The following FBRSL1 variants were observed in gnomAD, a reference collection of about 807,000 sequenced individuals.
FBRSL1 encodes fibrosin-1-like protein.
FBRSL1 carries 51 observed loss-of-function variants against 89.6 expected under a neutral mutation model. The observed-to-expected ratio is 0.57, with a 90% CI of 0.45 to 0.72. The LOEUF (loss-of-function observed/expected upper bound fraction) is 0.72. Among genes scored for constraint, FBRSL1 ranks in the 30% least tolerant of loss-of-function variants. The pLI is 0.00. For synonymous variants in FBRSL1, 779 were observed against 681.1 expected, an observed-to-expected ratio of 1.14 and a Z score of -2.24; for missense variants, 1,618 against 1,451.8, an observed-to-expected ratio of 1.11 and a Z score of -1.86.
rs192783906 is a variant in FBRSL1, at chr12:132,516,710, A to G, written c.489+8360A>G. Among the ~76,000 whole-genome samples, 60 of 152,306 alleles carry G rather than the reference A, an allele frequency of 3.9e-4. 1 individual carries two copies. In the East Asian group the frequency reaches 0.011, roughly 27 times the overall value. ...CATTTGCCGGATGAGGATGCTGAAG[A>G]AAAAAAGCCGCCTGTAAATAACTTG... On this transcript the variant is annotated intron_variant, in intron 2 of 18. Coordinates refer to ENST00000680143, the MANE Select transcript of FBRSL1 (RefSeq NM_001367871.1).
chr12:132,580,368 G>A (rs1372365353), intron 15 of FBRSL1, among the ~76,000 whole-genome samples: 4 of 152,224 alleles, frequency 2.6e-5, no homozygotes, highest in East Asian at 3.8e-4. Flanking sequence ...GATTACAGGC[G>A]TGAGCCACTG....
intron 6 of FBRSL1, 65 bp from the exon 7 acceptor site, chr12:132,569,861 C>A: frequency 7.9e-7 from 1 of 1,263,436 alleles, no homozygotes; most frequent in Non-Finnish European, 1.0e-6. Flanking sequence ...CCAGGGCTCC[C>A]TGGGCCACAG....
chr12:132,570,157 G>A lies in FBRSL1; in HGVS notation c.923G>A (p.Gly308Asp). 6.7e-7 allele frequency: 1 copy of A among 1,492,888 alleles called. No homozygotes were observed. The highest frequency in any genetic ancestry group is 8.8e-7 in the Non-Finnish European group (1 of 1,130,360). The allele number at this position is 1,492,888 out of a possible 1,614,324, so 92.5% of individuals were successfully genotyped here. The change falls in exon 7 of 19, where the codon GGC becomes GAC. Residue 308 changes from glycine to aspartate, a missense_variant. By Grantham distance (94) the Gly-to-Asp change is moderately conservative. Coordinates refer to ENST00000680143, the MANE Select transcript of FBRSL1 (RefSeq NM_001367871.1). ...TPQPPPPQPR[G>D]LLPTHVPASL... ...CAGCCGCCACCCCCGCAGCCCCGCGGCCTGCTCCCGACACACGTGCCTGCA... is the reference window on the plus strand; with the variant it reads ...CAGCCGCCACCCCCGCAGCCCCGCGACCTGCTCCCGACACACGTGCCTGCA...
At position 132,574,575 on chromosome 12, in the gene FBRSL1, C is replaced by T. The variant is rs1421499775; in HGVS notation, c.1701+11C>T. ...CAGCAGAAGATAAAGGTGAGACCAC[C>T]TGGGCTGGGGCAGGGCGCTTGTGAA... On this transcript the variant is annotated intron_variant, in intron 14 of 18. Coordinates refer to ENST00000680143, the MANE Select transcript of FBRSL1 (RefSeq NM_001367871.1). The T allele has an allele frequency of 6.5e-7, 1 of 1,548,382 alleles. No individual in the cohort carries two copies. The highest frequency in any genetic ancestry group is 8.7e-7 in the Non-Finnish European group (1 of 1,146,346).
At chr12:132,556,933 C>T (rs568094356) in intron 5 of FBRSL1, among the ~76,000 whole-genome samples, 115 of 152,202 alleles carry the variant, frequency 7.6e-4, no homozygotes, top group African/African-American at 2.7e-3. Context: ...ACACGTGCCC[C>T]GCGGAGTGGC....
intron 2 of FBRSL1, chr12:132,509,224 C>G: frequency 8.0e-7 from 1 of 1,252,424 alleles, no homozygotes; most frequent in Non-Finnish European, 9.9e-7. Context: ...AACGGCCCGG[C>G]CCAGCGCCAG....
intron 15 of FBRSL1, 134 bp from the exon 16 acceptor site, chr12:132,581,304 AC>A (rs1213093374): frequency 2.0e-6 from 3 of 1,519,600 alleles, no homozygotes; most frequent in African/African-American, 2.8e-5. Flanking sequence ...GACACGCTTC[AC>A]CCCTCAGGGC....
chr12:132,574,664 T>C, intron 14 of FBRSL1, 100 bp downstream of exon 14: 3 of 1,383,336 alleles, frequency 2.2e-6, no homozygotes, highest in Non-Finnish European at 2.9e-6. Flanking sequence ...CACACGCGTG[T>C]GCACGGGTGT....
chr12:132,497,111 A>G (rs2032167798), intron 1 of FBRSL1, among the ~76,000 whole-genome samples: 1 of 152,212 alleles, frequency 6.6e-6, no homozygotes, highest in Admixed American at 6.5e-5. Flanking sequence ...GTTTTGCTGC[A>G]TTTTGGTTGG....
chr12:132,576,704 G>C, intron 14 of FBRSL1, 95 bp from the exon 15 acceptor site: 1 of 1,405,560 alleles, frequency 7.1e-7, no homozygotes, highest in Non-Finnish European at 9.6e-7. Flanking sequence ...TACTGGACTG[G>C]CTCACACCCA....
chr12:132,570,362 G>A lies in FBRSL1; in HGVS notation c.1035G>A (p.Leu345=). 1 of 1,533,326 alleles carries A rather than the reference G, an allele frequency of 6.5e-7. No homozygotes were observed. Among genetic ancestry groups the A allele is most frequent in the Non-Finnish European group, 8.7e-7 (1 of 1,145,274 alleles). 95.0% of individuals were successfully genotyped at this position (1,533,326 alleles called of 1,614,324 possible). A position where few individuals can be genotyped will look rare whatever the true frequency, so the allele number is the denominator to read the frequency against. Residue 345 remains leucine, a synonymous_variant, in exon 8 of 19, where the codon CTG becomes CTA. Coordinates refer to ENST00000680143, the MANE Select transcript of FBRSL1 (RefSeq NM_001367871.1). ...LSRSSSAPLG[L]GKHVSLSPHG... Reference sequence around the variant, plus strand: ...GGAGCAGCAGCGCCCCCCTGGGCCTGGGGAAGCACGTGTCGCTGTCGCCAC... The same window carrying A: ...GGAGCAGCAGCGCCCCCCTGGGCCTAGGGAAGCACGTGTCGCTGTCGCCAC...
chr12:132,583,246 C>G lies in FBRSL1; in HGVS notation c.2477C>G (p.Pro826Arg), dbSNP rs1217396558. 4 of 1,355,850 alleles carry G rather than the reference C, an allele frequency of 3.0e-6. No homozygotes were observed. In the Middle Eastern group the frequency reaches 8.0e-4, roughly 273 times the overall value. The allele number at this position is 1,355,850 out of a possible 1,614,324, so 84.0% of individuals were successfully genotyped here. A position where few individuals can be genotyped will look rare whatever the true frequency, so the allele number is the denominator to read the frequency against. Reference sequence around the variant, plus strand: ...CGCGGGGAGGACGAGGCCTCCGAGCCCCCGGCGGGCGGCCTGCACCCCGCG... The same window carrying G: ...CGCGGGGAGGACGAGGCCTCCGAGCGCCCGGCGGGCGGCCTGCACCCCGCG... ...EERGEDEASE[P>R]PAGGLHPAPL... Residue 826 changes from proline (P) to arginine (R), a missense_variant, in exon 19 of 19, where the codon CCC (proline) becomes CGC (arginine). Physicochemically the swap from Pro to Arg is moderately radical, Grantham distance 103. Transcript: ENST00000680143.
At chr12:132,531,004 G>A (rs1035784326) in intron 4 of FBRSL1, among the ~76,000 whole-genome samples, 2 of 147,818 alleles carry the variant, frequency 1.4e-5, no homozygotes, top group Admixed American at 6.7e-5. Context: ...TGGGGGGGGG[G>A]GTGCAGGTGA....
chr12:132,508,091 T>A, intron 1 of FBRSL1, 62 bp from the exon 2 acceptor site: 1 of 1,447,534 alleles, frequency 6.9e-7, no homozygotes, highest in Non-Finnish European at 9.4e-7. Context: ...AGGTGGGTGC[T>A]GTCCTGGGCC....
At chr12:132,505,902 G>A (rs1165753483) in intron 1 of FBRSL1, among the ~76,000 whole-genome samples, 1 of 152,270 alleles carries the variant, frequency 6.6e-6, no homozygotes, top group Non-Finnish European at 1.5e-5. Flanking sequence ...CAAGAGCAGA[G>A]TGCTGGGACA....
chr12:132,569,887 G>A lies in FBRSL1; in HGVS notation c.692-39G>A, dbSNP rs535702007. The A allele has an allele frequency of 3.7e-6, 5 of 1,335,356 alleles. No homozygotes were observed. The South Asian group carries it at 5.7e-5, about 15-fold the overall frequency. The allele number at this position is 1,335,356 out of a possible 1,614,324, so 82.7% of individuals were successfully genotyped here. On this transcript the variant is annotated intron_variant, in intron 6 of 18. Coordinates refer to ENST00000680143, the MANE Select transcript of FBRSL1 (RefSeq NM_001367871.1). ...TGGGCCACAGGAGGGGCAGGGACGA[G>A]GCCCTGCTGGTCTGAACGCAGCCAC...
chr12:132,505,942 C>CT (rs1430338006), intron 1 of FBRSL1, among the ~76,000 whole-genome samples: 1 of 152,264 alleles, frequency 6.6e-6, no homozygotes, highest in Non-Finnish European at 1.5e-5. Context: ...GGAATGGCCT[C>CT]TGTTCTCTGC....
Position 132,546,873 on chromosome 12 carries a change from C to T in FBRSL1, c.616-1130C>T, listed in dbSNP as rs1363470940. Among the ~76,000 whole-genome samples, 1 of 152,250 alleles carries T rather than the reference C, an allele frequency of 6.6e-6. No individual in the cohort carries two copies. The highest frequency in any genetic ancestry group is 1.5e-5 in the Non-Finnish European group (1 of 68,040). On this transcript the variant is annotated intron_variant, in intron 4 of 18. Transcript: ENST00000680143. This position sits in a 1 kb window ranked among gnomAD's most constrained non-coding sequence, Gnocchi z 4.0. ...TTTCACACCGTACTGTGAGCTCCGT[C>T]GCTGAACACTCGGCAGCCGCGGCTG...
intron 15 of FBRSL1, among the ~76,000 whole-genome samples, chr12:132,578,343 T>TCACACACAGACACACACACACA (rs2040511306): frequency 7.1e-6 from 1 of 141,008 alleles, no homozygotes; most frequent in Admixed American, 7.2e-5. Flanking sequence ...AGACCCTGTC[T>TCACACACAGACACACACACACA]CACACACACA....
Sources: allele counts gnomAD v4.1 joint callset (sites outside exome capture counted in the v4.1 genomes callset), GRCh38; gene constraint gnomAD v4.1.1; non-coding constraint Gnocchi (gnomAD v3.1); transcripts MANE v1.5; gene names NCBI Gene and HGNC (gene_info 2026-07-23, HGNC 2026-07-21).